The following WDR45 variants were observed in gnomAD, a reference collection of about 807,000 sequenced individuals.
The protein encoded by WDR45 is WD repeat domain phosphoinositide-interacting protein 4.
WDR45 carries 2 observed loss-of-function variants against 27.3 expected under a neutral mutation model. That is an observed-to-expected ratio of 0.07 (90% confidence interval 0.03 to 0.23). The LOEUF (loss-of-function observed/expected upper bound fraction) is 0.23, where lower values mean the gene tolerates loss of function less well. WDR45 is among the 10% of genes least tolerant of loss of function. The probability of loss-of-function intolerance (pLI) is 1.00; values close to 1 mark genes in which losing one functional copy is unlikely to be tolerated. For missense variants in WDR45, 175 were observed against 311.9 expected (o/e 0.56, Z 3.31); for synonymous variants, 99 against 119.2 (o/e 0.83, Z 1.11).
Position 49,076,431 on chromosome X carries a change from C to T in WDR45, c.435G>A (p.Lys145=). The change falls in exon 6 of 11, where the codon AAG becomes AAA. Residue 145 remains lysine, a splice_region_variant and synonymous_variant. Transcript: ENST00000376372. ...LFEFDTRDNP[K]GLCDLCPSLE... Reference sequence around the variant, plus strand: ...ACCTGTGTATCTGAGCCCTCTCACCCTTGGGGTTGTCCCGGGTATCAAACT... The same window carrying T: ...ACCTGTGTATCTGAGCCCTCTCACCTTTGGGGTTGTCCCGGGTATCAAACT... 1 of 1,211,676 alleles carries T rather than the reference C, an allele frequency of 8.3e-7. No homozygotes were observed. The highest frequency in any genetic ancestry group is 1.1e-6 in the Non-Finnish European group (1 of 895,354).
chrX:49,083,263 C>T (rs373792109), upstream of WDR45, among the ~76,000 whole-genome samples: 1 of 105,961 alleles, frequency 9.4e-6, no homozygotes, highest in Non-Finnish European at 1.9e-5. Context: ...CCACCCATCT[C>T]GGCCTCCCAA....
intron 2 of WDR45, among the ~76,000 whole-genome samples, chrX:49,097,000 T>A (rs1000326775): frequency 4.7e-4 from 52 of 111,488 alleles, no homozygotes; most frequent in African/African-American, 1.7e-3. Flanking sequence ...GGTCTCCCAA[T>A]GTGCTGGGAT....
At chrX:49,097,108 T>C (rs1281421414) in intron 2 of WDR45, among the ~76,000 whole-genome samples, 1 of 52,744 alleles carries the variant, frequency 1.9e-5, no homozygotes, top group Non-Finnish European at 4.8e-5. Context: ...ATTGAAGCAC[T>C]TTTTTTTTTT....
chrX:49,076,182 C>A (rs1043840469), intron 6 of WDR45: 4 of 464,323 alleles, frequency 8.6e-6, no homozygotes, highest in Non-Finnish European at 1.5e-5. Flanking sequence ...GGATCCCTGA[C>A]ACACCCACCC....
At chrX:49,088,922 C>A (rs2065095331) in intron 2 of WDR45, among the ~76,000 whole-genome samples, 1 of 111,948 alleles carries the variant, frequency 8.9e-6, no homozygotes, top group African/African-American at 3.2e-5. Context: ...CACAACAAAC[C>A]CTGGGAAGGA....
At chrX:49,091,540 G>T (rs1214284636) in intron 2 of WDR45, among the ~76,000 whole-genome samples, 99 of 92,468 alleles carry the variant, frequency 1.1e-3, no homozygotes, top group Middle Eastern at 0.014. Flanking sequence ...ATGAGGTCAG[G>T]AGATCGAGAC....
chrX:49,078,973 C>T (rs992779293), intron 1 of WDR45: 36 of 111,691 alleles, frequency 3.2e-4, no homozygotes, highest in African/African-American at 9.8e-4. Flanking sequence ...ATTTGACCAC[C>T]CCAGAGTCCT....
At chrX:49,098,031 G>A (rs1414983965) in intron 2 of WDR45, among the ~76,000 whole-genome samples, 4 of 110,990 alleles carry the variant, frequency 3.6e-5, no homozygotes, top group African/African-American at 6.6e-5. Flanking sequence ...GGCTCACTGC[G>A]GCCTCTAATT....
intron 2 of WDR45, among the ~76,000 whole-genome samples, chrX:49,091,753 C>T (rs2065106769): frequency 5.5e-5 from 1 of 18,286 alleles, no homozygotes; most frequent in African/African-American, 2.1e-4. Context: ...GAGACTCCGT[C>T]TCAAAAAAAA....
chrX:49,098,788 C>T (rs2065135102), intron 2 of WDR45, among the ~76,000 whole-genome samples: 1 of 110,901 alleles, frequency 9.0e-6, no homozygotes, highest in Non-Finnish European at 1.9e-5. Context: ...GCCTGGGTGA[C>T]AAAGAAATAC....
chrX:49,100,226 T>G (rs1425048045), exon 2 of WDR45: 1 of 110,343 alleles, frequency 9.1e-6, no homozygotes, highest in Admixed American at 9.8e-5. Flanking sequence ...ATGTAACAAT[T>G]TCTTTTCTTT....
At chrX:49,085,438 C>G (rs782495457) in intron 2 of WDR45, among the ~76,000 whole-genome samples, 7 of 111,858 alleles carry the variant, frequency 6.3e-5, no homozygotes, top group Non-Finnish European at 1.3e-4. Context: ...TAGTATTGCT[C>G]CAGGCTCACT....
rs1398686589 is a variant in WDR45 at position 49,090,445 on chromosome X, T to G, written c.-18+9760A>C. On this transcript the variant is annotated intron_variant, in intron 2 of 11. Transcript: ENST00000356463. The stretch of plus-strand genomic sequence containing the variant: ...CTAAAAACCACTGAATTGCACACTT[T>G]GAAGAGGTTGGTTCTATGATATGTA... Among the ~76,000 whole-genome samples, 4 of 112,161 alleles carry G rather than the reference T, an allele frequency of 3.6e-5. No individual in the cohort carries two copies. The East Asian group carries it at 1.1e-3, about 31-fold the overall frequency.
chrX:49,076,733 C>A lies in WDR45; in HGVS notation c.253G>T (p.Ala85Ser), dbSNP rs1171817876. The part of the protein sequence containing the change: ...SEISVLIWDD[A>S]REGKDSKEKL... ...TCCTTGGAGTCCTTGCCCTCCCGGG[C>A]ATCGTCCCAGATCAGCACTGCTGGG... Residue 85 changes from alanine (A) to serine (S), a missense_variant, in exon 5 of 11, where the codon GCC becomes TCC. Physicochemically the swap from Ala to Ser is moderately conservative, Grantham distance 99. Transcript: ENST00000376372. The A allele has an allele frequency of 8.3e-7, 1 of 1,204,551 alleles. No homozygotes were observed. The highest frequency in any genetic ancestry group is 1.1e-6 in the Non-Finnish European group (1 of 892,098).
intron 7 of WDR45, 43 bp from the exon 8 acceptor site, chrX:49,075,796 G>A: frequency 8.4e-7 from 1 of 1,197,226 alleles, no homozygotes; most frequent in African/African-American, 1.7e-5. Context: ...TGGTATGGAG[G>A]GAAGGGGCCA....
chrX:49,095,662 A>T lies in WDR45; in HGVS notation c.-18+4543T>A, dbSNP rs782761759. 9.6e-5 allele frequency among the ~76,000 whole-genome samples: 10 copies of T among 103,941 alleles called. No homozygotes were observed. In the East Asian group the frequency reaches 2.5e-3, roughly 26 times the overall value. 90.3% of individuals were successfully genotyped at this position (103,941 alleles called of 115,157 possible). A position where few individuals can be genotyped will look rare whatever the true frequency, so the allele number is the denominator to read the frequency against. On this transcript the variant is annotated intron_variant, in intron 2 of 11. Coordinates refer to the WDR45 transcript ENST00000356463. ...TTTTTAGTAGAGACGGGGTTTCACC[A>T]TGTTAGCCAGGATGGTCTCGATCTC... is the stretch of plus-strand genomic sequence containing the variant.
At chrX:49,075,084 G>A in intron 10 of WDR45, 52 bp downstream of exon 10, 1 of 1,196,799 alleles carries the variant, frequency 8.4e-7, no homozygotes, top group South Asian at 1.8e-5. Context: ...GGTCCAACCT[G>A]CAGGCCTTTG....
intron 2 of WDR45, among the ~76,000 whole-genome samples, chrX:49,091,576 C>T (rs1327128681): frequency 2.1e-5 from 2 of 97,451 alleles, no homozygotes; most frequent in African/African-American, 3.8e-5. Flanking sequence ...GGTGAAACCC[C>T]GTCTCTACTA....
At chrX:49,094,705 G>A (rs2065119100) in intron 2 of WDR45, among the ~76,000 whole-genome samples, 1 of 111,030 alleles carries the variant, frequency 9.0e-6, no homozygotes, top group South Asian at 3.9e-4. Flanking sequence ...GTTGTTTACT[G>A]TAGGGCTGAA....
Sources: allele counts gnomAD v4.1 joint callset (sites outside exome capture counted in the v4.1 genomes callset), GRCh38; gene constraint gnomAD v4.1.1; transcripts MANE v1.5; gene names NCBI Gene and HGNC (gene_info 2026-07-23, HGNC 2026-07-21).